The following TTN variants were observed in gnomAD, a reference collection of about 807,000 sequenced individuals.
TTN encodes titin, also known as connectin.
TTN carries 1,525 observed loss-of-function variants against 3,223.0 expected under a neutral mutation model. That is an observed-to-expected ratio of 0.47 (90% confidence interval 0.45 to 0.49). TTN has a LOEUF of 0.49. Among genes scored for constraint, TTN ranks in the 20% least tolerant of loss-of-function variants. The probability of loss-of-function intolerance (pLI) is 0.00; values close to 1 mark genes in which losing one functional copy is unlikely to be tolerated. For synonymous variants in TTN, 14,094 were observed against 15,161.0 expected, an observed-to-expected ratio of 0.93 and a Z score of 5.17; for missense variants, 40,786 against 43,424.0, an observed-to-expected ratio of 0.94 and a Z score of 5.40.
intron 46 of TTN, 58 bp from the exon 47 acceptor site, chr2:178,753,238 T>A: frequency 7.5e-7 from 1 of 1,337,016 alleles, no homozygotes; most frequent in Non-Finnish European, 1.1e-6. Flanking sequence ...ATTTTCTGCA[T>A]CAATTCATGA....
rs397517642 is a variant in TTN, at chr2:178,593,027, C to T, written c.59092G>A (p.Asp19698Asn). Residue 19698 changes from aspartate to asparagine, a missense_variant, in exon 300 of 363, where the codon GAT becomes AAT. Physicochemically the swap from Asp to Asn is conservative, Grantham distance 23. Transcript: ENST00000589042. Reference protein sequence around the residue: ...EAIDTTCNSVDLTWQPPRHDG... With the variant: ...EAIDTTCNSVNLTWQPPRHDG... ...TGACGTGGTGGCTGCCAAGTTAGATCGACTGAATTGCATGTTGTATCTATT... is the reference window on the plus strand; with the variant it reads ...TGACGTGGTGGCTGCCAAGTTAGATTGACTGAATTGCATGTTGTATCTATT... 6.2e-6 allele frequency: 10 copies of T among 1,613,374 alleles called. No individual in the cohort carries two copies. The highest frequency in any genetic ancestry group is 4.5e-5 in the East Asian group (2 of 44,754).
Position 178,562,464 on chromosome 2 carries a change from C to T in TTN, c.83668G>A (p.Asp27890Asn). The change falls in exon 326 of 363, where the codon GAT becomes AAT. Residue 27890 changes from aspartate (D) to asparagine (N), a missense_variant. Transcript: ENST00000589042. ...ATIKWEKPES[D>N]GGSKITGYVV... is the part of the protein sequence containing the mutation. ...TAACCAGTAATTTTGCTGCCACCAT[C>T]ACTTTCTGGTTTCTCCCACTTAATT... 1 of 1,613,332 alleles carries T rather than the reference C, an allele frequency of 6.2e-7. No individual in the cohort carries two copies.
At position 178,692,022 on chromosome 2, in the gene TTN, G is replaced by C. The variant is rs768652249; in HGVS notation, c.31756C>G (p.Pro10586Ala). The change falls in exon 121 of 363, where the codon CCA becomes GCA. Residue 10586 changes from proline to alanine, a missense_variant. By Grantham distance (27) the Pro-to-Ala change is conservative. Transcript: ENST00000589042. ...ATCATTGGCTCTGGCGTACCTTTTGGGGGAGCAGCAGGTTCCTTCTTAGGC... is the reference window on the plus strand; with the variant it reads ...ATCATTGGCTCTGGCGTACCTTTTGCGGGAGCAGCAGGTTCCTTCTTAGGC... ...PVPKKEPAAP[P>A]KVPEVPKKPV... 32 of 1,611,418 alleles carry C rather than the reference G, an allele frequency of 2.0e-5. No homozygotes were observed. The East Asian group carries it at 4.2e-4, about 21-fold the overall frequency.
intron 299 of TTN, 25 bp downstream of exon 299, chr2:178,593,148 C>T (rs1334728837): frequency 6.2e-7 from 1 of 1,610,548 alleles, no homozygotes; most frequent in African/African-American, 1.3e-5. Flanking sequence ...AACATGAAAA[C>T]TGAATAAATC....
At position 178,574,680 on chromosome 2, in the gene TTN, T is replaced by C. The variant is rs776911847; in HGVS notation, c.71452A>G (p.Ile23818Val). 3.5e-5 allele frequency: 57 copies of C among 1,613,314 alleles called. No homozygotes were observed. The highest frequency in any genetic ancestry group is 1.7e-4 in the Middle Eastern group (1 of 6,050). The change falls in exon 326 of 363, where the codon ATA becomes GTA. Residue 23818 changes from isoleucine (I) to valine (V), a missense_variant. Physicochemically the swap from Ile to Val is conservative, Grantham distance 29. Coordinates refer to ENST00000589042, the MANE Select transcript of TTN (RefSeq NM_001267550.2). ...GVGPGITSAC[I>V]VANYPFKVPG... ...ACCTTAAATGGATAGTTGGCAACTA[T>C]GCATGCTGATGTGATGCCTGGTCCA... is the stretch of plus-strand genomic sequence containing the variant.
intron 294 of TTN, 48 bp downstream of exon 294, chr2:178,597,490 T>G (rs773236911): frequency 6.4e-7 from 1 of 1,561,676 alleles, no homozygotes; most frequent in East Asian, 2.3e-5. Flanking sequence ...GTAAATATAA[T>G]AAGAATGTTG....
In TTN at chr2:178,567,688, A is replaced by G; in HGVS notation, c.78444T>C (p.Phe26148=). The G allele has an allele frequency of 6.2e-7, 1 of 1,612,132 alleles. No individual in the cohort carries two copies. Among genetic ancestry groups the G allele is most frequent in the Non-Finnish European group, 8.5e-7 (1 of 1,178,638 alleles). The change falls in exon 326 of 363, where the codon TTT becomes TTC. Residue 26148 remains phenylalanine (F), a synonymous_variant. Coordinates refer to ENST00000589042, the MANE Select transcript of TTN (RefSeq NM_001267550.2). Reference sequence around the variant, plus strand: ...GATCTTCAGTAAGACCTGACACAGTAAATTGAGTTTCAATGACATTTGTAA... The same window carrying G: ...GATCTTCAGTAAGACCTGACACAGTGAATTGAGTTTCAATGACATTTGTAA... The part of the protein sequence containing the change: ...ASFTNVIETQ[F]TVSGLTEDQR...
Position 178,589,395 on chromosome 2 carries a change from C to T in TTN, c.62330G>A (p.Gly20777Glu), listed in dbSNP as rs786205541. 2.5e-6 allele frequency: 4 copies of T among 1,613,380 alleles called. No homozygotes were observed. Among genetic ancestry groups the T allele is most frequent in the Middle Eastern group, 3.3e-4 (2 of 6,054 alleles). Reference protein sequence around the residue: ...QKPVLDLKLSGVLTVKAGDTI... With the variant: ...QKPVLDLKLSEVLTVKAGDTI... ...GTCCCCTGCTTTGACAGTTAGGACC[C>T]CACTTAATTTCAGATCAAGTACTGG... The change falls in exon 304 of 363, where the codon GGG (glycine) becomes GAG (glutamate). Residue 20777 changes from glycine (G) to glutamate (E), a missense_variant. Transcript: ENST00000589042.
In TTN at chr2:178,592,359, C is replaced by G. The variant is rs2050415078; in HGVS notation, c.59626+20G>C. On this transcript the variant is annotated intron_variant, in intron 301 of 362. Coordinates refer to ENST00000589042, the MANE Select transcript of TTN (RefSeq NM_001267550.2). The stretch of plus-strand genomic sequence containing the variant: ...ATTATCAAAATTTATTTTTAATGGC[C>G]TAAGTAGTAAAATTCTTACCTAATA... 6.2e-7 allele frequency: 1 copy of G among 1,606,274 alleles called. No homozygotes were observed. The highest frequency in any genetic ancestry group is 1.3e-5 in the African/African-American group (1 of 74,158).
intron 47 of TTN, among the ~76,000 whole-genome samples, chr2:178,742,235 C>T (rs996132641): frequency 6.6e-6 from 1 of 151,926 alleles, no homozygotes; most frequent in Admixed American, 6.6e-5. Flanking sequence ...TGAAAAACTG[C>T]TAATTAAATA....
At chr2:178,674,663 A>T (rs1238213892) in intron 150 of TTN, among the ~76,000 whole-genome samples, 1 of 151,416 alleles carries the variant, frequency 6.6e-6, no homozygotes, top group Non-Finnish European at 1.5e-5. Context: ...GTTTGAAGTC[A>T]AACAGCCACT....
At chr2:178,650,061 T>G (rs1175792502) in intron 210 of TTN, 103 bp downstream of exon 210, 3 of 1,322,478 alleles carry the variant, frequency 2.3e-6, no homozygotes, top group African/African-American at 1.5e-5. Flanking sequence ...TAGTCAGATT[T>G]CAGGCAACAA....
At position 178,618,616 on chromosome 2, in the gene TTN, T is replaced by C. The variant is rs2057766757; in HGVS notation, c.46934A>G (p.Lys15645Arg). The part of the protein sequence containing the change: ...YKIVLQNKHG[K>R]AEGFINLKVI... ...TTTTAAATTGATGAATCCTTCTGCT[T>C]TTCCATGTTTGTTCTGAAGCACAAT... The change falls in exon 251 of 363, where the codon AAA becomes AGA. Residue 15645 changes from lysine (K) to arginine (R), a missense_variant. Coordinates refer to ENST00000589042, the MANE Select transcript of TTN (RefSeq NM_001267550.2). The C allele has an allele frequency of 1.3e-5, 21 of 1,612,208 alleles. No homozygotes were observed. In the East Asian group the frequency reaches 4.7e-4, roughly 36 times the overall value.
rs377487375 is a variant in TTN, at chr2:178,577,067, C to A, written c.69268G>T (p.Val23090Phe). ...CTGCAAGACTGAATATCTTCAGAAA[C>A]CACTGTCCACAAAAGTCGGCTGGTT... is the stretch of plus-strand genomic sequence containing the variant. ...RETSRLLWTV[V>F]SEDIQSCRHV... The change falls in exon 324 of 363, where the codon GTT (valine) becomes TTT (phenylalanine). Residue 23090 changes from valine (V) to phenylalanine (F), a missense_variant. Physicochemically the swap from Val to Phe is conservative, Grantham distance 50. Transcript: ENST00000589042. 5 of 1,613,344 alleles carry A rather than the reference C, an allele frequency of 3.1e-6. No homozygotes were observed. The highest frequency in any genetic ancestry group is 3.3e-4 in the Middle Eastern group (2 of 6,054).
At chr2:178,671,055 TAA>T in intron 156 of TTN, 33 bp downstream of exon 156, 1 of 1,532,018 alleles carries the variant, frequency 6.5e-7, no homozygotes, top group Non-Finnish European at 8.9e-7. Context: ...CTATTGTATG[TAA>T]AGTTAAGTAG....
chr2:178,600,788 CTAT>C (rs2053183256), intron 288 of TTN, 63 bp downstream of exon 288: 1 of 1,583,986 alleles, frequency 6.3e-7, no homozygotes, highest in Admixed American at 1.7e-5. Context: ...TAATTGTGAA[CTAT>C]TATTGAACAC....
intron 294 of TTN, 126 bp downstream of exon 294, chr2:178,597,412 A>C: frequency 8.8e-7 from 1 of 1,139,932 alleles, no homozygotes; most frequent in Non-Finnish European, 1.2e-6. Context: ...AATAATGTTC[A>C]ACATGATTAT....
chr2:178,697,019 C>T, intron 113 of TTN, 102 bp downstream of exon 113: 2 of 1,079,278 alleles, frequency 1.9e-6, no homozygotes, highest in Non-Finnish European at 2.7e-6. Flanking sequence ...GGAGACTCCA[C>T]AACTTTCAAT....
chr2:178,668,517 G>A (rs559796186), intron 159 of TTN, among the ~76,000 whole-genome samples: 209 of 152,022 alleles, frequency 1.4e-3, no homozygotes, highest in African/African-American at 4.9e-3. Flanking sequence ...GGTCACCTGA[G>A]GTCAGGAGTT....
Sources: gnomAD v4.1 joint callset for allele counts (sites outside exome capture counted in the v4.1 genomes callset) on GRCh38, gnomAD v4.1.1 for gene constraint, MANE v1.5 for transcripts, NCBI Gene and HGNC (gene_info 2026-07-23, HGNC 2026-07-21) for gene names.